Variants in ADARB2 observed in about 807,000 individuals in gnomAD.
The protein encoded by ADARB2 is inactive double-stranded RNA-specific editase B2.
In ADARB2, 25 loss-of-function variants were observed where a neutral mutation model predicts 62.2. The observed-to-expected ratio is 0.40, with a 90% CI of 0.29 to 0.56. The LOEUF is 0.56. Ranked by LOEUF, ADARB2 falls within the 20% of genes least tolerant of loss-of-function variation. The probability of loss-of-function intolerance (pLI) is 0.43; values close to 1 mark genes in which losing one functional copy is unlikely to be tolerated. For synonymous variants in ADARB2, 572 were observed against 500.8 expected (o/e 1.14, Z -1.90); for missense variants, 1,071 against 1,077.4 (o/e 0.99, Z 0.08).
At chr10:1,498,772 T>C (rs778525041) in intron 1 of ADARB2, among the ~76,000 whole-genome samples, 1 of 152,222 alleles carries the variant, frequency 6.6e-6, no homozygotes. Flanking sequence ...AAAAATGTTG[T>C]TTAGAAATAC....
chr10:1,435,226 C>T (rs1830821853), intron 1 of ADARB2, among the ~76,000 whole-genome samples: 2 of 152,164 alleles, frequency 1.3e-5, no homozygotes, highest in Non-Finnish European at 2.9e-5. Flanking sequence ...AGCAGATGAA[C>T]GGCAGGAGCT....
At chr10:1,653,593 A>C (rs1417011293) in intron 1 of ADARB2, among the ~76,000 whole-genome samples, 1 of 110,320 alleles carries the variant, frequency 9.1e-6, no homozygotes, top group South Asian at 2.6e-4. Flanking sequence ...CTGCAGAGCC[A>C]CAGTCTCCAC....
At chr10:1,582,339 G>T (rs1833115622) in intron 1 of ADARB2, among the ~76,000 whole-genome samples, 1 of 152,152 alleles carries the variant, frequency 6.6e-6, no homozygotes, top group East Asian at 1.9e-4. Flanking sequence ...ATCAGCAGCA[G>T]CCCTCACTGG....
At chr10:1,504,896 G>C (rs1167253384) in intron 1 of ADARB2, among the ~76,000 whole-genome samples, 2 of 151,996 alleles carry the variant, frequency 1.3e-5, no homozygotes, top group African/African-American at 2.4e-5. Context: ...CAGGTTCTAG[G>C]AATGCAAACA....
chr10:1,674,292 T>C (rs1439572339), intron 1 of ADARB2, among the ~76,000 whole-genome samples: 1 of 152,228 alleles, frequency 6.6e-6, no homozygotes, highest in Non-Finnish European at 1.5e-5. Flanking sequence ...AATTTACCAG[T>C]CCTACGGGTG....
At chr10:1,191,139 C>T (rs1034756703) in intron 8 of ADARB2, among the ~76,000 whole-genome samples, 8 of 152,218 alleles carry the variant, frequency 5.3e-5, no homozygotes, top group East Asian at 1.9e-4. Context: ...GGGCCCCACA[C>T]GGCGTAGAAC....
intron 6 of ADARB2, among the ~76,000 whole-genome samples, chr10:1,228,854 C>T (rs948120190): frequency 6.6e-6 from 1 of 152,230 alleles, no homozygotes; most frequent in African/African-American, 2.4e-5. Flanking sequence ...TGCCTCCAAG[C>T]CCTTTCTACA....
At chr10:1,464,076 C>A (rs1320504515) in intron 1 of ADARB2, among the ~76,000 whole-genome samples, 1 of 152,228 alleles carries the variant, frequency 6.6e-6, no homozygotes, top group Admixed American at 6.5e-5. Flanking sequence ...CCAGGACCGC[C>A]ACACACATGC....
At chr10:1,597,462 T>C (rs985960882) in intron 1 of ADARB2, among the ~76,000 whole-genome samples, 3 of 152,120 alleles carry the variant, frequency 2.0e-5, no homozygotes, top group African/African-American at 7.2e-5. Context: ...GCACAGGACA[T>C]GAGCAGACAT....
chr10:1,589,465 G>C (rs1181930840), intron 1 of ADARB2, among the ~76,000 whole-genome samples: 1 of 151,610 alleles, frequency 6.6e-6, no homozygotes, highest in Non-Finnish European at 1.5e-5. Flanking sequence ...TCCATGGTTG[G>C]GGTGTCCACA....
At chr10:1,359,610 A>G (rs916084600) in intron 3 of ADARB2, among the ~76,000 whole-genome samples, 2 of 151,912 alleles carry the variant, frequency 1.3e-5, no homozygotes, top group African/African-American at 4.8e-5. Flanking sequence ...GTGAATCCCA[A>G]CCTCCACCAC....
intron 3 of ADARB2, among the ~76,000 whole-genome samples, chr10:1,315,722 C>T (rs999146441): frequency 6.6e-6 from 1 of 152,182 alleles, no homozygotes; most frequent in Non-Finnish European, 1.5e-5. Flanking sequence ...ATATTTACCA[C>T]GTTAAATATC....
At chr10:1,662,282 A>G (rs1834258327) in intron 1 of ADARB2, among the ~76,000 whole-genome samples, 1 of 152,204 alleles carries the variant, frequency 6.6e-6, no homozygotes, top group Non-Finnish European at 1.5e-5. Flanking sequence ...TCATCCAGGC[A>G]GCCTCCAGGA....
intron 1 of ADARB2, among the ~76,000 whole-genome samples, chr10:1,612,774 T>C (rs1320422197): frequency 6.6e-6 from 1 of 152,228 alleles, no homozygotes; most frequent in East Asian, 1.9e-4. Context: ...ACAATGGTTT[T>C]TATTTATAAG....
At chr10:1,627,122 C>T (rs1322825786) in intron 1 of ADARB2, among the ~76,000 whole-genome samples, 3 of 152,160 alleles carry the variant, frequency 2.0e-5, no homozygotes, top group African/African-American at 7.2e-5. Context: ...GGAGCCGGGC[C>T]CTCGGGTGAA....
intron 7 of ADARB2, among the ~76,000 whole-genome samples, chr10:1,201,955 C>T (rs1484593179): frequency 1.3e-5 from 2 of 152,112 alleles, no homozygotes; most frequent in East Asian, 1.9e-4. Flanking sequence ...CACAGTGTGT[C>T]TCCCTGGATC....
At chr10:1,312,266 G>A (rs761676781) in intron 3 of ADARB2, among the ~76,000 whole-genome samples, 2 of 151,998 alleles carry the variant, frequency 1.3e-5, no homozygotes, top group Non-Finnish European at 2.9e-5. Context: ...CTTCCACCAG[G>A]GTGTGGGGGA....
intron 1 of ADARB2, among the ~76,000 whole-genome samples, chr10:1,678,702 C>G (rs548077947): frequency 3.3e-4 from 50 of 152,258 alleles, no homozygotes; most frequent in African/African-American, 1.1e-3. Flanking sequence ...AGCACCTTTG[C>G]TTGCAGGTAA....
chr10:1,644,199 G>A (rs958626514), intron 1 of ADARB2, among the ~76,000 whole-genome samples: 2 of 152,208 alleles, frequency 1.3e-5, no homozygotes, highest in Admixed American at 6.5e-5. Flanking sequence ...TATTCCTCCA[G>A]GGCTTTTGTA....
Sources: gnomAD v4.1 joint callset for allele counts (sites outside exome capture counted in the v4.1 genomes callset) on GRCh38, gnomAD v4.1.1 for gene constraint, MANE v1.5 for transcripts, NCBI Gene and HGNC (gene_info 2026-07-23, HGNC 2026-07-21) for gene names.